Variants in EML2 observed in about 807,000 individuals in gnomAD.
EML2 encodes echinoderm microtubule-associated protein-like 2.
Under a neutral mutation model 84.7 loss-of-function variants are expected in EML2, and 59 were observed. The ratio of observed to expected loss-of-function variants is 0.70; its 90% CI spans 0.56 to 0.86. The LOEUF is 0.86. EML2 is among the 40% of genes least tolerant of loss of function. The probability of loss-of-function intolerance (pLI) is 0.00; values close to 1 mark genes in which losing one functional copy is unlikely to be tolerated. For synonymous variants in EML2, 352 were observed against 348.9 expected (o/e 1.01, Z -0.10); for missense variants, 818 against 855.6 (o/e 0.96, Z 0.55).
rs753050205 is a variant in EML2 at position 45,616,565 on chromosome 19, G to T, written c.1412-7C>A. 7 of 1,604,002 alleles carry T rather than the reference G, an allele frequency of 4.4e-6. No individual in the cohort carries two copies. The South Asian group carries it at 6.6e-5, about 15-fold the overall frequency. Reference sequence around the variant, plus strand: ...ACGGCCAGGTACGCCCCGTCTGGGGGAGGGGGAGGGGGGCTATGAGGAGGC... The same window carrying T: ...ACGGCCAGGTACGCCCCGTCTGGGGTAGGGGGAGGGGGGCTATGAGGAGGC... On this transcript the variant is annotated splice_polypyrimidine_tract_variant and splice_region_variant and intron_variant, in intron 14 of 18. Transcript: ENST00000245925.
upstream of EML2, chr19:45,645,387 G>A (rs1362468535): frequency 1.3e-6 from 2 of 1,508,532 alleles, no homozygotes; most frequent in Non-Finnish European, 1.8e-6. Context: ...GCCCGGGCCC[G>A]GTCCCCCCAA....
At chr19:45,616,889 G>C in intron 13 of EML2, 36 bp from the exon 14 acceptor site, 2 of 1,505,628 alleles carry the variant, frequency 1.3e-6, no homozygotes, top group Non-Finnish European at 1.8e-6. Context: ...GAGGAGGGGT[G>C]AGCTGATCTG....
In EML2 at chr19:45,638,519, G is replaced by A. The variant is rs369466319; in HGVS notation, c.165C>T (p.Leu55=). The A allele has an allele frequency of 6.2e-7, 1 of 1,614,060 alleles. No homozygotes were observed. The highest frequency in any genetic ancestry group is 8.5e-7 in the Non-Finnish European group (1 of 1,180,016). The change falls in exon 3 of 19, where the codon CTC becomes CTT. Residue 55 remains leucine, a synonymous_variant. Coordinates refer to ENST00000245925, the MANE Select transcript of EML2 (RefSeq NM_012155.4). ...CAAAAGGATACACCCACTCCAGCTT[G>A]AGCCGGCAAGAAGGCAGCTCCGAGC... The part of the protein sequence containing the change: ...DTRSELPSCR[L]KLEWVYGYRG...
intron 3 of EML2, among the ~76,000 whole-genome samples, chr19:45,636,204 G>A (rs1216889677): frequency 6.6e-6 from 1 of 151,820 alleles, no homozygotes; most frequent in Non-Finnish European, 1.5e-5. Flanking sequence ...AAATTCCTGG[G>A]CTAAAGCAGT....
upstream of EML2, chr19:45,645,191 A>C: frequency 3.6e-6 from 5 of 1,400,726 alleles, no homozygotes; most frequent in Non-Finnish European, 4.8e-6. Context: ...GGGGTTGGGG[A>C]CTTGCAAGGA....
upstream of EML2, among the ~76,000 whole-genome samples, chr19:45,639,659 C>T (rs539042862): frequency 1.3e-5 from 2 of 152,252 alleles, no homozygotes; most frequent in South Asian, 4.1e-4. Flanking sequence ...CACAGGTCGT[C>T]CAACCTCTGC....
chr19:45,644,994 G>T (rs192844752), upstream of EML2: 5 of 535,732 alleles, frequency 9.3e-6, no homozygotes, highest in African/African-American at 3.8e-5. Context: ...CCCCCAGGCC[G>T]TTCCCCCTTC....
In EML2 at chr19:45,626,777, G is replaced by T; in HGVS notation, c.669C>A (p.Thr223=). Reference sequence around the variant, plus strand: ...AGAAGTAGATGTGAGATTTCCCGCAGGTGATAAGCACAGTGGGGTCCGTGG... The same window carrying T: ...AGAAGTAGATGTGAGATTTCCCGCATGTGATAAGCACAGTGGGGTCCGTGG... ...FHPTDPTVLI[T]CGKSHIYFWT... is the part of the protein sequence containing the mutation. Residue 223 remains threonine, a synonymous_variant, in exon 8 of 19, where the codon ACC becomes ACA. Transcript: ENST00000245925. The T allele has an allele frequency of 6.2e-7, 1 of 1,613,934 alleles. No individual in the cohort carries two copies. The highest frequency in any genetic ancestry group is 8.5e-7 in the Non-Finnish European group (1 of 1,179,962).
chr19:45,626,380 CTTTTTTTTTTTT>C (rs35850853), intron 8 of EML2, among the ~76,000 whole-genome samples: 5 of 79,436 alleles, frequency 6.3e-5, no homozygotes, highest in African/African-American at 1.7e-4. Context: ...ATCCTCACAA[CTTTTTTTTTTTT>C]TTTTTTTTTT....
chr19:45,627,178 C>T (rs932412994), intron 7 of EML2, among the ~76,000 whole-genome samples: 6 of 151,562 alleles, frequency 4.0e-5, no homozygotes, highest in African/African-American at 1.2e-4. Context: ...CGGCTGGTCT[C>T]GAACTCTTTA....
At chr19:45,629,253 C>T (rs1039126016) in intron 7 of EML2, among the ~76,000 whole-genome samples, 1 of 152,028 alleles carries the variant, frequency 6.6e-6, no homozygotes, top group African/African-American at 2.4e-5. Context: ...CCTTAGCCTC[C>T]GAAGTAGCTG....
chr19:45,621,657 A>G lies in EML2; in HGVS notation c.842-20T>C, dbSNP rs931171258. 4 of 1,601,054 alleles carry G rather than the reference A, an allele frequency of 2.5e-6. No homozygotes were observed. The highest frequency in any genetic ancestry group is 1.6e-4 in the Middle Eastern group (1 of 6,064). On this transcript the variant is annotated intron_variant, in intron 9 of 18. Coordinates refer to ENST00000245925, the MANE Select transcript of EML2 (RefSeq NM_012155.4). ...TCCCACCTGCAGGGTGGCCAGGGGCAGGGTCAACAGGGAGAAGCCACCCCT... is the reference window on the plus strand; with the variant it reads ...TCCCACCTGCAGGGTGGCCAGGGGCGGGGTCAACAGGGAGAAGCCACCCCT...
Position 45,633,056 on chromosome 19 carries a change from C to CTCCCTTCCATTACCT in EML2, c.398_399+13dup, listed in dbSNP as rs777549238. 8 of 1,589,718 alleles carry CTCCCTTCCATTACCT rather than the reference C, an allele frequency of 5.0e-6. No homozygotes were observed. The Admixed American group carries it at 1.5e-4, about 29-fold the overall frequency. ...GTCCTGCACTCTTTTCTGCTTTCCC[C>CTCCCTTCCATTACCT]TCCCTTCCATTACCTTCCCTTCCTT... is the stretch of plus-strand genomic sequence containing the variant. On this transcript the variant is annotated intron_variant, in intron 5 of 18. Transcript: ENST00000245925.
chr19:45,611,796 C>G (rs1970527832), intron 18 of EML2, among the ~76,000 whole-genome samples: 1 of 151,564 alleles, frequency 6.6e-6, no homozygotes, highest in African/African-American at 2.4e-5. Flanking sequence ...CCAGAATTAT[C>G]CTTATTTTTT....
At chr19:45,618,516 C>G (rs1971337949) in intron 12 of EML2, among the ~76,000 whole-genome samples, 1 of 152,120 alleles carries the variant, frequency 6.6e-6, no homozygotes, top group Non-Finnish European at 1.5e-5. Context: ...TGACTCCCCC[C>G]TCCTCATGGC....
intron 4 of EML2, among the ~76,000 whole-genome samples, chr19:45,633,553 A>G (rs1973336263): frequency 6.6e-6 from 1 of 151,942 alleles, no homozygotes; most frequent in Admixed American, 6.6e-5. Flanking sequence ...TGCCTGGCCA[A>G]CATGGGGAAA....
chr19:45,645,441 G>A, upstream of EML2: 1 of 1,442,662 alleles, frequency 6.9e-7, no homozygotes, highest in Non-Finnish European at 9.0e-7. Context: ...CTTCGTTCCA[G>A]CATCCCCAGC....
chr19:45,639,284 T>C, intron 1 of EML2, 73 bp downstream of exon 1: 1 of 1,321,496 alleles, frequency 7.6e-7, no homozygotes. Context: ...GTCCCAGGGG[T>C]TGGGTGAAAC....
At chr19:45,637,230 G>C (rs1374844387) in intron 3 of EML2, among the ~76,000 whole-genome samples, 3 of 152,164 alleles carry the variant, frequency 2.0e-5, no homozygotes, top group East Asian at 3.8e-4. Flanking sequence ...CAAGGACCGG[G>C]TTCCTGGGGT....
Sources: gnomAD v4.1 joint callset for allele counts (sites outside exome capture counted in the v4.1 genomes callset) on GRCh38, gnomAD v4.1.1 for gene constraint, MANE v1.5 for transcripts, NCBI Gene and HGNC (gene_info 2026-07-23, HGNC 2026-07-21) for gene names.